The following VWA8 variants were observed in gnomAD, a reference collection of about 807,000 sequenced individuals.
VWA8 encodes von Willebrand factor A domain-containing protein 8.
VWA8 carries 221 observed loss-of-function variants against 241.5 expected under a neutral mutation model. The ratio of observed to expected loss-of-function variants is 0.91; its 90% CI spans 0.82 to 1.02. The LOEUF is 1.02. Ranked by LOEUF, VWA8 falls within the 50% of genes least tolerant of loss-of-function variation. The pLI is 0.00. For synonymous variants in VWA8, 852 were observed against 827.1 expected (o/e 1.03, Z -0.52); for missense variants, 2,322 against 2,328.7 (o/e 1.00, Z 0.06).
chr13:41,572,195 C>T lies in VWA8; in HGVS notation c.5371-1489G>A, dbSNP rs546865178. 8.6e-5 allele frequency among the ~76,000 whole-genome samples: 13 copies of T among 150,878 alleles called. No homozygotes were observed. The East Asian group carries it at 1.2e-3, about 14-fold the overall frequency. On this transcript the variant is annotated intron_variant, in intron 43 of 44. Coordinates refer to ENST00000379310, the MANE Select transcript of VWA8 (RefSeq NM_015058.2). ...GGAGGTGGGGGGTCAGCCCCCGCCC[C>T]GCCAGCCGCCCCGTCTGGGAGGGAG...
At chr13:41,857,476 C>T (rs1872802930) in intron 12 of VWA8, among the ~76,000 whole-genome samples, 1 of 151,898 alleles carries the variant, frequency 6.6e-6, no homozygotes, top group South Asian at 2.1e-4. Context: ...TATAAAATTC[C>T]CTGTGTAAGC....
chr13:41,782,071 A>G (rs1036333148), intron 19 of VWA8, among the ~76,000 whole-genome samples: 1 of 152,232 alleles, frequency 6.6e-6, no homozygotes, highest in Non-Finnish European at 1.5e-5. Flanking sequence ...CTGTCCGTAC[A>G]ATTGGTACAG....
At chr13:41,897,700 C>T (rs1272253029) in intron 4 of VWA8, among the ~76,000 whole-genome samples, 1 of 151,988 alleles carries the variant, frequency 6.6e-6, no homozygotes, top group Non-Finnish European at 1.5e-5. Flanking sequence ...CTCGTGGTCT[C>T]GCTGGCTTCA....
Position 41,567,784 on chromosome 13 carries a change from G to A in VWA8, c.*413C>T, listed in dbSNP as rs189595816. ...GGTTTTGCACAGACTTGCATCTTGT[G>A]TCAGAATGTGACATCAAAGGCTCAG... On this transcript the variant is annotated 3_prime_UTR_variant, in exon 45 of 45. Transcript: ENST00000379310. The A allele has an allele frequency of 1.1e-3, 170 of 158,336 alleles. 1 individual carries two copies. The highest frequency in any genetic ancestry group is 3.9e-3 in the African/African-American group (162 of 41,714). 9.8% of individuals were successfully genotyped at this position (158,336 alleles called of 1,614,324 possible).
intron 17 of VWA8, among the ~76,000 whole-genome samples, chr13:41,797,864 C>T (rs1215472347): frequency 6.6e-6 from 1 of 152,122 alleles, no homozygotes; most frequent in Admixed American, 6.6e-5. Context: ...ATCAGAATCT[C>T]TAACTGTTAT....
intron 17 of VWA8, among the ~76,000 whole-genome samples, chr13:41,800,901 G>T (rs780839082): frequency 1.3e-5 from 2 of 151,298 alleles, no homozygotes; most frequent in Non-Finnish European, 2.9e-5. Flanking sequence ...TGTCAATATT[G>T]TCTTAAAAAT....
chr13:41,957,377 T>C (rs1369694479), intron 1 of VWA8, among the ~76,000 whole-genome samples: 1 of 152,190 alleles, frequency 6.6e-6, no homozygotes, highest in Non-Finnish European at 1.5e-5. Context: ...TACCCAGCCA[T>C]GCGAAACTAT....
chr13:41,691,543 A>G, intron 31 of VWA8, 98 bp from the exon 32 acceptor site: 4 of 1,418,284 alleles, frequency 2.8e-6, no homozygotes, highest in African/African-American at 2.9e-5. Flanking sequence ...AACCCATAAA[A>G]AGAATGTTTT....
chr13:41,894,208 C>T (rs1874990970), intron 4 of VWA8, among the ~76,000 whole-genome samples: 1 of 152,216 alleles, frequency 6.6e-6, no homozygotes, highest in Non-Finnish European at 1.5e-5. Flanking sequence ...AGGACAACAA[C>T]AAACACTGCA....
chr13:41,922,908 G>T (rs184271203), intron 2 of VWA8, among the ~76,000 whole-genome samples: 1 of 152,228 alleles, frequency 6.6e-6, no homozygotes, highest in South Asian at 2.1e-4. Flanking sequence ...CTAGAAATAT[G>T]ATTTGACCCA....
In VWA8 at chr13:41,708,155, C is replaced by T. The variant is rs559602712; in HGVS notation, c.3117-4744G>A. On this transcript the variant is annotated intron_variant, in intron 26 of 44. Coordinates refer to ENST00000379310, the MANE Select transcript of VWA8 (RefSeq NM_015058.2). ...GGCGGATCACCTGAGGTCGGGAGTT[C>T]GAGACCAGCCTGACCAACATGGAAA... is the stretch of plus-strand genomic sequence containing the variant. Among the ~76,000 whole-genome samples, 7 of 152,000 alleles carry T rather than the reference C, an allele frequency of 4.6e-5. No individual in the cohort carries two copies. The East Asian group carries it at 5.8e-4, about 13-fold the overall frequency.
chr13:41,856,570 G>A (rs564349173), intron 12 of VWA8, among the ~76,000 whole-genome samples: 345 of 152,012 alleles, frequency 2.3e-3, no homozygotes, highest in African/African-American at 5.2e-3. Context: ...CCTGTAATCC[G>A]AACACTTTGG....
chr13:41,918,618 T>C (rs1342307532), intron 2 of VWA8, among the ~76,000 whole-genome samples: 4 of 152,146 alleles, frequency 2.6e-5, no homozygotes, highest in Non-Finnish European at 1.5e-5. Context: ...CAAAAATATA[T>C]TAGTTCTGCA....
At chr13:41,733,769 T>A (rs529206869) in intron 21 of VWA8, among the ~76,000 whole-genome samples, 2 of 152,250 alleles carry the variant, frequency 1.3e-5, no homozygotes, top group South Asian at 4.1e-4. Context: ...GACTGTAAGA[T>A]CTAAGAGTAC....
chr13:41,760,302 C>G (rs35228381), intron 21 of VWA8, among the ~76,000 whole-genome samples: 418 of 151,878 alleles, frequency 2.8e-3, no homozygotes, highest in Middle Eastern at 6.8e-3. Flanking sequence ...CTCAGCTTTC[C>G]CTGAGTCCTT....
At chr13:41,705,297 G>T (rs1462943600) in intron 26 of VWA8, among the ~76,000 whole-genome samples, 2 of 150,978 alleles carry the variant, frequency 1.3e-5, no homozygotes, top group Non-Finnish European at 2.9e-5. Flanking sequence ...TGTGCAGGGG[G>T]TCGGGGGAGG....
chr13:41,897,969 C>A (rs1042979484), intron 4 of VWA8, among the ~76,000 whole-genome samples: 1 of 152,152 alleles, frequency 6.6e-6, no homozygotes, highest in Non-Finnish European at 1.5e-5. Context: ...CGTTTACAAT[C>A]CCTGAGCTAG....
intron 20 of VWA8, among the ~76,000 whole-genome samples, chr13:41,774,973 A>G (rs979322655): frequency 6.6e-6 from 1 of 152,244 alleles, no homozygotes; most frequent in Admixed American, 6.5e-5. Flanking sequence ...AGAGAATGTG[A>G]ATGGGCAAAG....
intron 18 of VWA8, 58 bp downstream of exon 18, chr13:41,787,378 CA>C: frequency 7.6e-7 from 1 of 1,318,144 alleles, no homozygotes; most frequent in Non-Finnish European, 1.1e-6. Flanking sequence ...AAATAAACAG[CA>C]TCAAATGTTT....
Sources: gnomAD v4.1 joint callset for allele counts (sites outside exome capture counted in the v4.1 genomes callset) on GRCh38, gnomAD v4.1.1 for gene constraint, MANE v1.5 for transcripts, NCBI Gene and HGNC (gene_info 2026-07-23, HGNC 2026-07-21) for gene names.